Variants in CDH12 observed in about 807,000 individuals in gnomAD.
CDH12 encodes the protein cadherin 12.
CDH12 carries 41 observed loss-of-function variants against 74.1 expected under a neutral mutation model. That is an observed-to-expected ratio of 0.55 (90% CI 0.43 to 0.72). CDH12 has a LOEUF of 0.72. CDH12 is among the 30% of genes least tolerant of loss of function. The pLI, the probability that CDH12 is intolerant of heterozygous loss-of-function variation, is 0.00. For synonymous variants in CDH12, 399 were observed against 355.0 expected (o/e 1.12, Z -1.39); for missense variants, 945 against 977.2 (o/e 0.97, Z 0.44).
intron 1 of CDH12, among the ~76,000 whole-genome samples, chr5:22,807,382 C>A (rs1373287316): frequency 6.6e-6 from 1 of 152,110 alleles, no homozygotes; most frequent in Non-Finnish European, 1.5e-5. Flanking sequence ...GACTATTAAT[C>A]CGTATATCAT....
chr5:21,790,664 A>G (rs1364563184), intron 10 of CDH12, among the ~76,000 whole-genome samples: 1 of 152,100 alleles, frequency 6.6e-6, no homozygotes, highest in Non-Finnish European at 1.5e-5. Flanking sequence ...AAAATGAAAT[A>G]AGATAAAGTA....
intron 5 of CDH12, among the ~76,000 whole-genome samples, chr5:22,063,921 G>A (rs1266644526): frequency 6.6e-6 from 1 of 151,366 alleles, no homozygotes; most frequent in South Asian, 2.1e-4. Context: ...GCTCCTTCAC[G>A]ATTACATGAG....
chr5:22,499,060 T>A (rs980999433), intron 2 of CDH12, among the ~76,000 whole-genome samples: 1 of 151,204 alleles, frequency 6.6e-6, no homozygotes, highest in Non-Finnish European at 1.5e-5. Context: ...CCTGCTACCA[T>A]ACCCGGCTAA....
chr5:21,802,337 C>T lies in CDH12; in HGVS notation c.1086G>A (p.Ala362=), dbSNP rs1313078547. Residue 362 remains alanine (A), a synonymous_variant, in exon 10 of 15, where the codon GCG becomes GCA. Coordinates refer to ENST00000382254, the MANE Select transcript of CDH12 (RefSeq NM_004061.5). ...NLHLDHRFHS[A]GPFKDTATVK... The stretch of plus-strand genomic sequence containing the variant: ...CCGTAGCTGTGTCTTTGAAAGGGCC[C>T]GCCGAGTGAAACCGGTGGTCAAGGT... 1 of 1,613,750 alleles carries T rather than the reference C, an allele frequency of 6.2e-7. No homozygotes were observed. The highest frequency in any genetic ancestry group is 1.7e-5 in the Admixed American group (1 of 59,984).
intron 8 of CDH12, among the ~76,000 whole-genome samples, chr5:21,833,024 TATATA>T (rs1284835282): frequency 0.016 from 821 of 50,696 alleles, 14 homozygotes; most frequent in Middle Eastern, 0.091. Flanking sequence ...TATGATATAA[TATATA>T]ATATATAATA....
chr5:22,375,183 A>G (rs763108771), intron 3 of CDH12, among the ~76,000 whole-genome samples: 7 of 152,136 alleles, frequency 4.6e-5, no homozygotes, highest in Non-Finnish European at 8.8e-5. Flanking sequence ...CAAATATGCC[A>G]AGAACAATTC....
Position 22,425,877 on chromosome 5 carries a change from G to A in CDH12, c.-427-20526C>T, listed in dbSNP as rs756676957. On this transcript the variant is annotated intron_variant, in intron 2 of 14. Coordinates refer to ENST00000382254, the MANE Select transcript of CDH12 (RefSeq NM_004061.5). The stretch of plus-strand genomic sequence containing the variant: ...ACACAGGTTCACATGTTCCTGGATC[G>A]TCAACACAAACATTCTAGAAAATCT... 3.9e-5 allele frequency among the ~76,000 whole-genome samples: 6 copies of A among 152,020 alleles called. No individual in the cohort carries two copies. The South Asian group carries it at 1.0e-3, about 26-fold the overall frequency.
At chr5:21,812,116 C>A (rs1479496712) in intron 9 of CDH12, among the ~76,000 whole-genome samples, 1 of 151,842 alleles carries the variant, frequency 6.6e-6, no homozygotes, top group Admixed American at 6.6e-5. Context: ...TACTTCAGAT[C>A]ATTAGTATTT....
intron 1 of CDH12, among the ~76,000 whole-genome samples, chr5:22,797,594 A>G (rs1023176998): frequency 3.9e-5 from 6 of 152,206 alleles, no homozygotes; most frequent in Non-Finnish European, 8.8e-5. Context: ...AGTAAAAAAC[A>G]ATAGATATTT....
chr5:21,868,347 C>T (rs1165301860), intron 6 of CDH12, among the ~76,000 whole-genome samples: 1 of 152,134 alleles, frequency 6.6e-6, no homozygotes, highest in Admixed American at 6.5e-5. Context: ...CCCAACCAGA[C>T]AAAGCATAGT....
At chr5:22,275,784 G>A (rs1024737312) in intron 3 of CDH12, among the ~76,000 whole-genome samples, 1 of 152,068 alleles carries the variant, frequency 6.6e-6, no homozygotes, top group Non-Finnish European at 1.5e-5. Context: ...AGATTCCTGG[G>A]GCAGTAGATG....
At chr5:21,934,873 G>A (rs1579985401) in intron 6 of CDH12, among the ~76,000 whole-genome samples, 2 of 151,772 alleles carry the variant, frequency 1.3e-5, no homozygotes, top group East Asian at 1.9e-4. Context: ...TGCAAGCTCC[G>A]CCTCCCTAGT....
At chr5:22,149,299 T>C (rs1289790187) in intron 4 of CDH12, among the ~76,000 whole-genome samples, 1 of 152,176 alleles carries the variant, frequency 6.6e-6, no homozygotes, top group Non-Finnish European at 1.5e-5. Context: ...CCCACTAAAA[T>C]GTGTAATTCC....
At chr5:22,770,906 GC>G (rs1367237116) in intron 1 of CDH12, among the ~76,000 whole-genome samples, 2 of 152,056 alleles carry the variant, frequency 1.3e-5, no homozygotes, top group African/African-American at 4.8e-5. Flanking sequence ...TCTGTTGGTA[GC>G]GATTCTGTAA....
In CDH12 at chr5:22,231,870, T is replaced by C. The variant is rs550921807; in HGVS notation, c.-332-19227A>G. On this transcript the variant is annotated intron_variant, in intron 3 of 14. Transcript: ENST00000382254. ...TAAGTAATTACTAAATAAAATCTTA[T>C]TTCATAGAAAGTTATGTATGAAATG... Among the ~76,000 whole-genome samples, 10 of 152,092 alleles carry C rather than the reference T, an allele frequency of 6.6e-5. No homozygotes were observed. In the East Asian group the frequency reaches 1.5e-3, roughly 24 times the overall value.
chr5:22,474,296 G>A (rs1279462331), intron 2 of CDH12, among the ~76,000 whole-genome samples: 1 of 152,136 alleles, frequency 6.6e-6, no homozygotes, highest in African/African-American at 2.4e-5. Flanking sequence ...TCAAATAATT[G>A]TAGCAGATCA....
intron 6 of CDH12, among the ~76,000 whole-genome samples, chr5:21,966,914 A>T (rs1422812038): frequency 6.6e-6 from 1 of 152,168 alleles, no homozygotes; most frequent in Non-Finnish European, 1.5e-5. Context: ...ATTTCCAGAC[A>T]GAGGTTCCAA....
At chr5:22,680,393 T>G (rs1312257165) in intron 1 of CDH12, among the ~76,000 whole-genome samples, 1 of 152,106 alleles carries the variant, frequency 6.6e-6, no homozygotes, top group African/African-American at 2.4e-5. Flanking sequence ...TTTTGATCTT[T>G]TGTATTATTA....
rs897984871 is a variant in CDH12, at chr5:22,849,213, A to C, written c.-523+3845T>G. Among the ~76,000 whole-genome samples, 6 of 152,260 alleles carry C rather than the reference A, an allele frequency of 3.9e-5. No individual in the cohort carries two copies. In the East Asian group the frequency reaches 1.2e-3, roughly 29 times the overall value. On this transcript the variant is annotated intron_variant, in intron 1 of 14. Coordinates refer to ENST00000382254, the MANE Select transcript of CDH12 (RefSeq NM_004061.5). Reference sequence around the variant, plus strand: ...GGGTAATTCAAATTAAATTAACAGAATAACTCAAAGTTCAAAAAGTTAAAT... The same window carrying C: ...GGGTAATTCAAATTAAATTAACAGACTAACTCAAAGTTCAAAAAGTTAAAT...
Sources: gnomAD v4.1 joint callset for allele counts (sites outside exome capture counted in the v4.1 genomes callset) on GRCh38, gnomAD v4.1.1 for gene constraint, MANE v1.5 for transcripts, NCBI Gene and HGNC (gene_info 2026-07-23, HGNC 2026-07-21) for gene names.